The following GTF2E1 variants were observed in gnomAD, a reference collection of about 807,000 sequenced individuals.
The protein encoded by GTF2E1 is TFIIE alpha subunit.
GTF2E1 carries 14 observed loss-of-function variants against 34.9 expected under a neutral mutation model. The ratio of observed to expected loss-of-function variants is 0.40; its 90% confidence interval spans 0.27 to 0.63. The LOEUF is 0.63. Among genes scored for constraint, GTF2E1 ranks in the 20% least tolerant of loss-of-function variants. The pLI, the probability that GTF2E1 is intolerant of heterozygous loss-of-function variation, is 0.39. For missense variants in GTF2E1, 469 were observed against 557.7 expected, an observed-to-expected ratio of 0.84 and a Z score of 1.60; for synonymous variants, 188 against 192.9, an observed-to-expected ratio of 0.97 and a Z score of 0.21.
At chr3:120,748,261 C>G (rs1709126066) in intron 1 of GTF2E1, among the ~76,000 whole-genome samples, 1 of 151,176 alleles carries the variant, frequency 6.6e-6, no homozygotes, top group Non-Finnish European at 1.5e-5. Context: ...TTAATTAGAT[C>G]CCATTTGTCA....
rs192811282 is a variant in GTF2E1, at chr3:120,780,599, T to G, written c.893-444T>G. Among the ~76,000 whole-genome samples the G allele has an allele frequency of 2.4e-3, 361 of 151,998 alleles. 8 individuals are homozygous for G. The highest frequency in any genetic ancestry group is 7.8e-4 in the Non-Finnish European group (53 of 68,030). On this transcript the variant is annotated intron_variant, in intron 4 of 4. Coordinates refer to ENST00000283875, the MANE Select transcript of GTF2E1 (RefSeq NM_005513.3). ...GACCCTATAGGCCATTGCAAAGCTT[T>G]TGGCTTTTACCTTGAGTGAGATAAA...
Position 120,781,225 on chromosome 3 carries a change from A to G in GTF2E1, c.1075A>G (p.Ser359Gly), listed in dbSNP as rs758335893. Residue 359 changes from serine to glycine, a missense_variant, in exon 5 of 5, where the codon AGT becomes GGT. Coordinates refer to ENST00000283875, the MANE Select transcript of GTF2E1 (RefSeq NM_005513.3). ...TGGCAGTGACTCAGAAAGCGAGACC[A>G]GTGAGTCAGATGATGATTCTCCACC... is the stretch of plus-strand genomic sequence containing the variant. ...ANGSDSESET[S>G]ESDDDSPPRP... 2 of 1,614,106 alleles carry G rather than the reference A, an allele frequency of 1.2e-6. No homozygotes were observed. The highest frequency in any genetic ancestry group is 1.7e-6 in the Non-Finnish European group (2 of 1,179,946).
At chr3:120,774,016 T>C (rs565342440) in intron 3 of GTF2E1, among the ~76,000 whole-genome samples, 20 of 152,328 alleles carry the variant, frequency 1.3e-4, no homozygotes, top group African/African-American at 3.6e-4. Flanking sequence ...TAGTCAATGC[T>C]AAAGATAGAG....
chr3:120,774,528 G>A (rs2107612744), intron 3 of GTF2E1, among the ~76,000 whole-genome samples: 1 of 151,834 alleles, frequency 6.6e-6, no homozygotes, highest in South Asian at 2.1e-4. Context: ...TGGTTAAATT[G>A]AGATGAACAA....
At chr3:120,759,736 A>T (rs1421854840) in intron 2 of GTF2E1, among the ~76,000 whole-genome samples, 1 of 152,212 alleles carries the variant, frequency 6.6e-6, no homozygotes, top group Admixed American at 6.5e-5. Context: ...TTTGTCAAAG[A>T]TCAGATGGTT....
intron 1 of GTF2E1, among the ~76,000 whole-genome samples, chr3:120,749,527 T>C (rs930185135): frequency 6.6e-6 from 1 of 152,172 alleles, no homozygotes; most frequent in Non-Finnish European, 1.5e-5. Context: ...GGTTTTTGTC[T>C]TTGGTTCTGT....
chr3:120,764,277 A>T (rs1709288854), intron 2 of GTF2E1, among the ~76,000 whole-genome samples: 1 of 152,124 alleles, frequency 6.6e-6, no homozygotes, highest in Non-Finnish European at 1.5e-5. Flanking sequence ...GAGGGCCATG[A>T]AAGTAGCTCA....
At chr3:120,746,973 C>T (rs568558511) in intron 1 of GTF2E1, among the ~76,000 whole-genome samples, 2 of 152,290 alleles carry the variant, frequency 1.3e-5, no homozygotes, top group East Asian at 3.9e-4. Context: ...GTAGTTGATA[C>T]TATCCTTACT....
At chr3:120,779,105 T>G (rs1037230692) in intron 4 of GTF2E1, among the ~76,000 whole-genome samples, 3 of 152,192 alleles carry the variant, frequency 2.0e-5, no homozygotes, top group Non-Finnish European at 2.9e-5. Flanking sequence ...AATTTGCTCA[T>G]TTATCCTTGT....
rs1479594094 is a variant in GTF2E1 at position 120,770,578 on chromosome 3, A to G, written c.449-150A>G. On this transcript the variant is annotated intron_variant, in intron 2 of 4. Transcript: ENST00000283875. ...TAGCAAAATGCTAATTGTAGAATCT[A>G]AATGGTGGTCACATGGCTGTTCACT... is the stretch of plus-strand genomic sequence containing the variant. 4.8e-6 allele frequency: 3 copies of G among 628,990 alleles called. No individual in the cohort carries two copies. The Admixed American group carries it at 8.0e-5, about 17-fold the overall frequency. 39.0% of individuals were successfully genotyped at this position (628,990 alleles called of 1,614,324 possible).
At chr3:120,763,792 GA>G (rs1709284742) in intron 2 of GTF2E1, among the ~76,000 whole-genome samples, 1 of 152,074 alleles carries the variant, frequency 6.6e-6, no homozygotes, top group Admixed American at 6.5e-5. Flanking sequence ...TTCCCGTGTA[GA>G]CTATTTGTCA....
intron 1 of GTF2E1, among the ~76,000 whole-genome samples, chr3:120,746,990 C>T (rs945555390): frequency 2.0e-5 from 3 of 152,022 alleles, no homozygotes; most frequent in Non-Finnish European, 2.9e-5. Context: ...TACTTCTTAG[C>T]GAGTAAAAGG....
intron 1 of GTF2E1, among the ~76,000 whole-genome samples, chr3:120,749,449 A>C (rs960351655): frequency 1.2e-4 from 18 of 152,170 alleles, no homozygotes; most frequent in Non-Finnish European, 1.6e-4. Context: ...ACTTATTGAG[A>C]GTTTTTAGCA....
chr3:120,749,403 C>A (rs184316169), intron 1 of GTF2E1, among the ~76,000 whole-genome samples: 3,231 of 152,162 alleles, frequency 0.021, 55 homozygotes, highest in Middle Eastern at 0.054. Context: ...TCATAGATAG[C>A]TCTTATTATT....
intron 2 of GTF2E1, among the ~76,000 whole-genome samples, chr3:120,751,441 A>C (rs1179891563): frequency 6.6e-6 from 1 of 152,204 alleles, no homozygotes; most frequent in Non-Finnish European, 1.5e-5. Flanking sequence ...CTCTGGAAGA[A>C]GTTAACATTT....
At chr3:120,752,045 A>G (rs915211777) in intron 2 of GTF2E1, among the ~76,000 whole-genome samples, 1 of 152,216 alleles carries the variant, frequency 6.6e-6, no homozygotes. Context: ...AATAACCCCA[A>G]TATAAATTAA....
Position 120,750,807 on chromosome 3 carries a change from A to G in GTF2E1, c.255A>G (p.Lys85=). 1 of 1,614,034 alleles carries G rather than the reference A, an allele frequency of 6.2e-7. No homozygotes were observed. Among genetic ancestry groups the G allele is most frequent in the Non-Finnish European group, 8.5e-7 (1 of 1,179,958 alleles). The change falls in exon 2 of 5, where the codon AAA becomes AAG. Residue 85 remains lysine, a synonymous_variant. Transcript: ENST00000283875. ...GGGTAGAGACTGCTGCAGACGGGAA[A>G]ACCACTCGCCATAACTACTACTTCA... The part of the protein sequence containing the change: ...RMRVETAADG[K]TTRHNYYFIN...
intron 4 of GTF2E1, among the ~76,000 whole-genome samples, chr3:120,778,270 A>T (rs532990016): frequency 6.6e-6 from 1 of 152,372 alleles, no homozygotes; most frequent in East Asian, 1.9e-4. Context: ...TATGGGCCTT[A>T]AATAAGTTAT....
At chr3:120,753,261 A>G (rs897874367) in intron 2 of GTF2E1, among the ~76,000 whole-genome samples, 12 of 151,974 alleles carry the variant, frequency 7.9e-5, no homozygotes, top group Admixed American at 2.6e-4. Context: ...CTCCCACCCC[A>G]TTATGAAGAA....
Sources: gnomAD v4.1 joint callset for allele counts (sites outside exome capture counted in the v4.1 genomes callset) on GRCh38, gnomAD v4.1.1 for gene constraint, MANE v1.5 for transcripts, NCBI Gene and HGNC (gene_info 2026-07-23, HGNC 2026-07-21) for gene names.